OR3A2: variants seen among roughly 807,000 people sequenced by gnomAD.
OR3A2 encodes the protein olfactory receptor family 3 subfamily A member 2.
For missense variants in OR3A2, 318 were observed against 392.8 expected (o/e 0.81, Z 1.61); for synonymous variants, 126 against 159.3 (o/e 0.79, Z 1.57).
At chr17:3,365,949 A>T (rs1042078779) in intron 2 of OR3A2, among the ~76,000 whole-genome samples, 15 of 152,236 alleles carry the variant, frequency 9.9e-5, no homozygotes, top group Non-Finnish European at 2.2e-4. Flanking sequence ...AGGAAGCCAC[A>T]GAGGTTCTTG....
intron 1 of OR3A2, among the ~76,000 whole-genome samples, chr17:3,384,329 C>T (rs1597367994): frequency 6.6e-6 from 1 of 152,198 alleles, no homozygotes; most frequent in African/African-American, 2.4e-5. Context: ...AGTGTTTTCT[C>T]CAGTTGATTT....
At chr17:3,372,696 C>T (rs1035077806) in intron 2 of OR3A2, among the ~76,000 whole-genome samples, 3,624 of 151,616 alleles carry the variant, frequency 0.024, 152 homozygotes, top group African/African-American at 0.081. Context: ...TGGCGGCGCG[C>T]GCCTGCAATC....
chr17:3,300,547 A>G (rs528374577), intron 3 of OR3A2, among the ~76,000 whole-genome samples: 8 of 152,204 alleles, frequency 5.3e-5, no homozygotes, highest in Non-Finnish European at 1.2e-4. Flanking sequence ...CAACAGAGTG[A>G]GAATCGGTCT....
chr17:3,322,738 A>T (rs1417953758), intron 3 of OR3A2, among the ~76,000 whole-genome samples: 1 of 152,096 alleles, frequency 6.6e-6, no homozygotes, highest in Admixed American at 6.6e-5. Flanking sequence ...TCTGAGAGAC[A>T]GTTTGTTATA....
rs769430 is a variant in OR3A2, at chr17:3,311,675, A to G, written c.-85+24358T>C. On this transcript the variant is annotated intron_variant, in intron 3 of 4. Coordinates refer to the OR3A2 transcript ENST00000573491. This position sits in a 1 kb window ranked among gnomAD's most constrained non-coding sequence, Gnocchi z 4.6. ...GCCCACGTCACAGCTGCAATATTAC[A>G]AATCCGCTCAGCTGAGGGGAGGAAG... The G allele has an allele frequency of 0.14, 37,827 of 266,626 alleles. 3,938 individuals carry two copies. Among genetic ancestry groups the G allele is most frequent in the African/African-American group, 0.34 (15,687 of 45,662 alleles). The allele number at this position is 266,626 out of a possible 1,614,324, so 16.5% of individuals were successfully genotyped here.
In OR3A2 at chr17:3,358,469, T is replaced by C. The variant is rs1214340432; in HGVS notation, c.-178-22343A>G. On this transcript the variant is annotated intron_variant, in intron 2 of 4. Transcript: ENST00000573491. ...TAGCTGTGTCCCAGAAATTCTGCTA[T>C]GTTGTATCTTTGTTCTCATTAGTTT... 2.6e-5 allele frequency among the ~76,000 whole-genome samples: 4 copies of C among 151,804 alleles called. No individual in the cohort carries two copies. In the East Asian group the frequency reaches 5.8e-4, roughly 22 times the overall value.
chr17:3,357,327 T>C (rs574394402), intron 2 of OR3A2, among the ~76,000 whole-genome samples: 1 of 151,760 alleles, frequency 6.6e-6, no homozygotes, highest in South Asian at 2.1e-4. Context: ...ACCTAATCCT[T>C]GGTGCAAGAA....
chr17:3,306,831 A>T (rs28652839), intron 3 of OR3A2, among the ~76,000 whole-genome samples: 2 of 103,686 alleles, frequency 1.9e-5, no homozygotes, highest in African/African-American at 1.4e-4. Context: ...ACCACTAATA[A>T]CTTCAAAAGA....
chr17:3,347,067 G>A (rs2049370845), intron 2 of OR3A2, among the ~76,000 whole-genome samples: 1 of 152,108 alleles, frequency 6.6e-6, no homozygotes, highest in Admixed American at 6.6e-5. Context: ...CAGCGAGACT[G>A]CTGGATCATA....
intron 2 of OR3A2, among the ~76,000 whole-genome samples, chr17:3,340,844 T>G (rs2049311038): frequency 1.3e-5 from 2 of 152,218 alleles, no homozygotes; most frequent in Non-Finnish European, 2.9e-5. Context: ...CTTGTTGATC[T>G]GTCTAATGTT....
chr17:3,331,026 T>C (rs2049227819), intron 3 of OR3A2, among the ~76,000 whole-genome samples: 1 of 152,234 alleles, frequency 6.6e-6, no homozygotes, highest in Non-Finnish European at 1.5e-5. Context: ...TCTTTAAGAA[T>C]GTTGACTATT....
At chr17:3,289,195 G>C (rs190921449), upstream of OR3A2, among the ~76,000 whole-genome samples, 38 of 152,288 alleles carry the variant, frequency 2.5e-4, no homozygotes, top group Non-Finnish European at 5.1e-4. Flanking sequence ...CTGTGCGGAT[G>C]GTGCGGAAGG....
rs532649513 is a variant in OR3A2 at position 3,293,558 on chromosome 17, A to C, written c.-84-14405T>G. Among the ~76,000 whole-genome samples, 7 of 152,328 alleles carry C rather than the reference A, an allele frequency of 4.6e-5. No individual in the cohort carries two copies. In the East Asian group the frequency reaches 1.4e-3, roughly 29 times the overall value. The stretch of plus-strand genomic sequence containing the variant: ...ACTCATGTCATTTAAGGATTAAAAC[A>C]AACCTGCACATCATATAAACAAGGA... On this transcript the variant is annotated intron_variant, in intron 3 of 4. Transcript: ENST00000573491.
intron 2 of OR3A2, among the ~76,000 whole-genome samples, chr17:3,367,412 C>T (rs1156747726): frequency 1.4e-5 from 2 of 144,900 alleles, no homozygotes; most frequent in Non-Finnish European, 3.0e-5. Context: ...CATTCTTATG[C>T]TTTTGCGTCC....
chr17:3,361,240 C>T (rs561028741), intron 2 of OR3A2, among the ~76,000 whole-genome samples: 2 of 149,584 alleles, frequency 1.3e-5, no homozygotes, highest in Non-Finnish European at 2.9e-5. Flanking sequence ...TATAAGAATG[C>T]TTGTGATTTT....
At chr17:3,307,737 C>G (rs1456612922) in intron 3 of OR3A2, among the ~76,000 whole-genome samples, 1 of 152,154 alleles carries the variant, frequency 6.6e-6, no homozygotes, top group African/African-American at 2.4e-5. Flanking sequence ...TTGAGGATGG[C>G]TCACGTGAGC....
intron 2 of OR3A2, among the ~76,000 whole-genome samples, chr17:3,373,011 T>C (rs2049646302): frequency 6.6e-6 from 1 of 152,202 alleles, no homozygotes; most frequent in African/African-American, 2.4e-5. Context: ...GTCACTCTTA[T>C]TCAGTTGAAA....
intron 2 of OR3A2, among the ~76,000 whole-genome samples, chr17:3,362,491 T>C (rs906469596): frequency 2.6e-5 from 4 of 151,782 alleles, no homozygotes; most frequent in Non-Finnish European, 5.9e-5. Flanking sequence ...GCTTCTCTAG[T>C]TCTTTTCATT....
intron 2 of OR3A2, among the ~76,000 whole-genome samples, chr17:3,358,074 T>C (rs2049477891): frequency 6.6e-6 from 1 of 151,576 alleles, no homozygotes; most frequent in East Asian, 1.9e-4. Flanking sequence ...TGAGCTGTAC[T>C]ACTGGCAGGC....
Sources: allele counts gnomAD v4.1 joint callset (sites outside exome capture counted in the v4.1 genomes callset), GRCh38; gene constraint gnomAD v4.1.1; non-coding constraint Gnocchi (gnomAD v3.1); transcripts MANE v1.5; gene names NCBI Gene and HGNC (gene_info 2026-07-23, HGNC 2026-07-21).